Variants in ETV5 observed in about 807,000 individuals in gnomAD.
ETV5 encodes ETS translocation variant 5.
In ETV5, 10 loss-of-function variants were observed where a neutral mutation model predicts 70.0. The ratio of observed to expected loss-of-function variants is 0.14; its 90% confidence interval spans 0.09 to 0.24. The LOEUF (loss-of-function observed/expected upper bound fraction) is 0.24. ETV5 is among the 10% of genes least tolerant of loss of function. The probability of loss-of-function intolerance (pLI) is 1.00; values close to 1 mark genes in which losing one functional copy is unlikely to be tolerated. For synonymous variants in ETV5, 216 were observed against 242.2 expected (o/e 0.89, Z 1.01); for missense variants, 453 against 651.2 (o/e 0.70, Z 3.31).
intron 7 of ETV5, among the ~76,000 whole-genome samples, chr3:186,074,605 A>C (rs1211546434): frequency 6.6e-6 from 1 of 152,136 alleles, no homozygotes; most frequent in East Asian, 1.9e-4. Context: ...CCAATGTACA[A>C]AATATAATAC....
chr3:186,093,759 G>A (rs1298237309), intron 5 of ETV5, among the ~76,000 whole-genome samples: 1 of 152,234 alleles, frequency 6.6e-6, no homozygotes, highest in African/African-American at 2.4e-5. Flanking sequence ...GAGAAGAAAT[G>A]TGATCAAGTC....
At chr3:186,089,735 T>C (rs912153007) in intron 5 of ETV5, among the ~76,000 whole-genome samples, 1 of 152,014 alleles carries the variant, frequency 6.6e-6, no homozygotes, top group Non-Finnish European at 1.5e-5. Flanking sequence ...ACAGGGAAAA[T>C]AAAAAAGCTA....
chr3:186,082,627 G>A (rs1401252800), intron 5 of ETV5, among the ~76,000 whole-genome samples: 1 of 152,068 alleles, frequency 6.6e-6, no homozygotes, highest in Non-Finnish European at 1.5e-5. Flanking sequence ...CACCATGTTG[G>A]CCAGGCTGGT....
At chr3:186,050,164 T>C (rs1448609403) in intron 12 of ETV5, among the ~76,000 whole-genome samples, 2 of 152,218 alleles carry the variant, frequency 1.3e-5, no homozygotes, top group Admixed American at 1.3e-4. Flanking sequence ...AGAATTATTA[T>C]CTATATTTTT....
intron 7 of ETV5, among the ~76,000 whole-genome samples, chr3:186,068,620 C>G (rs956282347): frequency 6.6e-6 from 1 of 152,116 alleles, no homozygotes; most frequent in Non-Finnish European, 1.5e-5. Flanking sequence ...GCCTGCCGTG[C>G]CTTAGTAGGG....
At chr3:186,065,174 A>G (rs1039499464) in intron 8 of ETV5, among the ~76,000 whole-genome samples, 1 of 152,182 alleles carries the variant, frequency 6.6e-6, no homozygotes, top group Admixed American at 6.5e-5. Context: ...CCCTGGCAAT[A>G]CAACTCAGAT....
At chr3:186,093,691 G>A (rs765993237) in intron 5 of ETV5, among the ~76,000 whole-genome samples, 41 of 152,188 alleles carry the variant, frequency 2.7e-4, no homozygotes, top group Non-Finnish European at 5.4e-4. Context: ...AAGTGTGGGG[G>A]GCACTCCAAA....
chr3:186,108,568 T>G, intron 1 of ETV5: 1 of 1,262,854 alleles, frequency 7.9e-7, no homozygotes, highest in Non-Finnish European at 1.0e-6. Flanking sequence ...AAGCGTCTCT[T>G]CTCGCGAGCC....
At chr3:186,082,685 C>T (rs911630992) in intron 5 of ETV5, among the ~76,000 whole-genome samples, 6 of 152,196 alleles carry the variant, frequency 3.9e-5, no homozygotes, top group African/African-American at 1.2e-4. Context: ...TCCCAAAGTG[C>T]TGGGATTACA....
At chr3:186,099,173 T>C (rs184655270) in intron 5 of ETV5, among the ~76,000 whole-genome samples, 38 of 152,312 alleles carry the variant, frequency 2.5e-4, no homozygotes, top group Admixed American at 9.1e-4. Flanking sequence ...CCCAAAGGTG[T>C]ACTTACATTA....
chr3:186,064,382 G>T, intron 9 of ETV5, 35 bp downstream of exon 9: 2 of 1,582,444 alleles, frequency 1.3e-6, no homozygotes, highest in East Asian at 2.2e-5. Flanking sequence ...GGAGAGGAGA[G>T]AGGAGAGAAG....
At position 186,064,165 on chromosome 3, in the gene ETV5, T is replaced by C. The variant is rs533965292; in HGVS notation, c.970+252A>G. On this transcript the variant is annotated intron_variant, in intron 9 of 12. Transcript: ENST00000306376. ...TGAAAATGGCAGCCCTCACAGGGCT[T>C]AGGGGCATGCTTGAAACCCTGCGTG... 26 of 541,712 alleles carry C rather than the reference T, an allele frequency of 4.8e-5. 1 individual carries two copies. The South Asian group carries it at 4.9e-4, about 10-fold the overall frequency. The allele number at this position is 541,712 out of a possible 1,614,324, so 33.6% of individuals were successfully genotyped here.
In ETV5 at chr3:186,108,724, G is replaced by T. The variant is rs1714659559; in HGVS notation, c.-75+216C>A. On this transcript the variant is annotated intron_variant, in intron 1 of 12. Transcript: ENST00000306376. Reference sequence around the variant, plus strand: ...GGAAAGCCGCTCTCCCCGCGCTCCGGAACCGTTAGCCGCACCCGCCCGACG... The same window carrying T: ...GGAAAGCCGCTCTCCCCGCGCTCCGTAACCGTTAGCCGCACCCGCCCGACG... 9.2e-6 allele frequency: 10 copies of T among 1,092,650 alleles called. No homozygotes were observed. In the South Asian group the frequency reaches 1.3e-4, roughly 15 times the overall value. The allele number at this position is 1,092,650 out of a possible 1,614,324, so 67.7% of individuals were successfully genotyped here.
At chr3:186,058,390 C>CT (rs1713217659) in intron 9 of ETV5, among the ~76,000 whole-genome samples, 1 of 152,226 alleles carries the variant, frequency 6.6e-6, no homozygotes, top group Admixed American at 6.5e-5. Context: ...GTGCATACTC[C>CT]TTTACCAGCA....
In ETV5 at chr3:186,047,609, A is replaced by G. The variant is rs1386320286; in HGVS notation, c.*1030T>C. ...GCCCTGCACACTTCAAAAATGTACA[A>G]CTCAGGTGCAAATGTTCCATCAGGT... On this transcript the variant is annotated 3_prime_UTR_variant, in exon 13 of 13. Coordinates refer to ENST00000306376, the MANE Select transcript of ETV5 (RefSeq NM_004454.3). 4.3e-6 allele frequency: 1 copy of G among 232,422 alleles called. No homozygotes were observed. The highest frequency in any genetic ancestry group is 8.5e-6 in the Non-Finnish European group (1 of 117,356). The allele number at this position is 232,422 out of a possible 1,614,324, so 14.4% of individuals were successfully genotyped here.
intron 7 of ETV5, among the ~76,000 whole-genome samples, chr3:186,067,519 T>C (rs1479749502): frequency 6.6e-6 from 1 of 151,514 alleles, no homozygotes; most frequent in African/African-American, 2.4e-5. Context: ...GGCTGCGGCA[T>C]CAGAATCACT....
At chr3:186,085,975 C>T (rs994070137) in intron 5 of ETV5, among the ~76,000 whole-genome samples, 6 of 152,178 alleles carry the variant, frequency 3.9e-5, no homozygotes, top group African/African-American at 9.7e-5. Flanking sequence ...ACCCAGACTC[C>T]GCACTGCAGC....
At chr3:186,102,880 C>T (rs1295104958) in intron 5 of ETV5, among the ~76,000 whole-genome samples, 1 of 152,162 alleles carries the variant, frequency 6.6e-6, no homozygotes, top group African/African-American at 2.4e-5. Flanking sequence ...GTGGGCTCTG[C>T]CAGCTCCTCC....
intron 5 of ETV5, among the ~76,000 whole-genome samples, chr3:186,090,531 T>C (rs146330271): frequency 7.9e-5 from 12 of 152,320 alleles, no homozygotes; most frequent in African/African-American, 2.9e-4. Context: ...CTAAAATATA[T>C]GCCCAAGTCA....
Sources: allele counts gnomAD v4.1 joint callset (sites outside exome capture counted in the v4.1 genomes callset), GRCh38; gene constraint gnomAD v4.1.1; transcripts MANE v1.5; gene names NCBI Gene and HGNC (gene_info 2026-07-23, HGNC 2026-07-21).